PNKD: variants seen among roughly 807,000 people sequenced by gnomAD.
PNKD encodes probable thioesterase PNKD.
Under a neutral mutation model 45.3 loss-of-function variants are expected in PNKD, and 36 were observed. The observed-to-expected ratio is 0.80, with a 90% CI of 0.61 to 1.05. PNKD has a LOEUF of 1.05. Among genes scored for constraint, PNKD ranks in the 50% least tolerant of loss-of-function variants. The pLI is 0.00. For synonymous variants in PNKD, 197 were observed against 210.1 expected, an observed-to-expected ratio of 0.94 and a Z score of 0.54; for missense variants, 511 against 506.6, an observed-to-expected ratio of 1.01 and a Z score of -0.08.
chr2:218,286,531 C>T (rs1692526384), intron 2 of PNKD: 1 of 152,232 alleles, frequency 6.6e-6, no homozygotes. Flanking sequence ...AACCAGAGCC[C>T]CTGCTTTCTA....
chr2:218,342,717 T>G (rs759909071), intron 7 of PNKD, among the ~76,000 whole-genome samples: 9 of 151,076 alleles, frequency 6.0e-5, no homozygotes, highest in Non-Finnish European at 1.3e-4. Flanking sequence ...AAAAAAAAAT[T>G]TAAATAATAT....
intron 2 of PNKD, among the ~76,000 whole-genome samples, chr2:218,338,240 C>G (rs573133856): frequency 3.3e-5 from 5 of 151,630 alleles, no homozygotes; most frequent in Non-Finnish European, 7.4e-5. Context: ...GCAGGCGGAT[C>G]ACCTAAGGTC....
chr2:218,331,095 G>A (rs955030045), intron 2 of PNKD, among the ~76,000 whole-genome samples: 1 of 152,208 alleles, frequency 6.6e-6, no homozygotes, highest in African/African-American at 2.4e-5. Flanking sequence ...TCCTGGGAAG[G>A]TGGGACGGGG....
At position 218,323,322 on chromosome 2, in the gene PNKD, C is replaced by T. The variant is rs747444303; in HGVS notation, c.237-16461C>T. 9 of 1,569,146 alleles carry T rather than the reference C, an allele frequency of 5.7e-6. No individual in the cohort carries two copies. In the African/African-American group the frequency reaches 1.1e-4, roughly 19 times the overall value. ...GCAGTGGGTCGCCGGCTGCTGGCTC[C>T]TCCTCGTCCTTGTCCTCGTCCTACT... On this transcript the variant is annotated intron_variant, in intron 2 of 9. Coordinates refer to ENST00000273077, the MANE Select transcript of PNKD (RefSeq NM_015488.5).
chr2:218,327,308 C>T (rs893324935), intron 2 of PNKD, among the ~76,000 whole-genome samples: 1 of 152,150 alleles, frequency 6.6e-6, no homozygotes, highest in Non-Finnish European at 1.5e-5. Flanking sequence ...GGGGCCAATG[C>T]GTCCCACTGG....
At chr2:218,341,741 C>T in intron 6 of PNKD, 115 bp downstream of exon 6, 3 of 851,972 alleles carry the variant, frequency 3.5e-6, no homozygotes, top group Non-Finnish European at 5.9e-6. Context: ...AGTGCCCTTC[C>T]TGGCCCAATC....
At chr2:218,334,629 T>A in intron 2 of PNKD, 1 of 695,662 alleles carries the variant, frequency 1.4e-6, no homozygotes, top group South Asian at 1.5e-5. Context: ...ACTCTTGACC[T>A]GGGTGACAGA....
intron 2 of PNKD, chr2:218,290,147 G>C (rs1559511559): frequency 6.6e-6 from 1 of 152,192 alleles, no homozygotes; most frequent in Non-Finnish European, 1.5e-5. Context: ...CCCAGGAGAC[G>C]TTAATGAATG....
At chr2:218,306,522 G>C (rs762278882) in intron 2 of PNKD, among the ~76,000 whole-genome samples, 3 of 152,174 alleles carry the variant, frequency 2.0e-5, no homozygotes, top group Non-Finnish European at 2.9e-5. Flanking sequence ...TTAATCCTCC[G>C]AGTAGCTCCA....
chr2:218,271,525 C>T lies in PNKD; in HGVS notation c.212C>T (p.Pro71Leu). ...ATTCCCAGAAAGAGGGGCAAGAACCCCATGAAAGCTGTGGGACTGGCCTGG... is the reference window on the plus strand; with the variant it reads ...ATTCCCAGAAAGAGGGGCAAGAACCTCATGAAAGCTGTGGGACTGGCCTGG... ...EYIPRKRGKN[P>L]MKAVGLAWYS... Residue 71 changes from proline (P) to leucine (L), a missense_variant, in exon 2 of 10, where the codon CCC becomes CTC. Transcript: ENST00000273077. The T allele has an allele frequency of 6.2e-7, 1 of 1,614,204 alleles. No individual in the cohort carries two copies. The highest frequency in any genetic ancestry group is 1.7e-5 in the Admixed American group (1 of 60,016).
intron 2 of PNKD, among the ~76,000 whole-genome samples, chr2:218,294,806 C>T (rs1348028821): frequency 8.5e-5 from 13 of 152,202 alleles, no homozygotes; most frequent in Admixed American, 7.9e-4. Flanking sequence ...AGCATGAATT[C>T]CATTCCAGAG....
intron 2 of PNKD, chr2:218,272,752 T>C: frequency 6.2e-7 from 1 of 1,613,862 alleles, no homozygotes; most frequent in Non-Finnish European, 8.5e-7. Context: ...GGGTCTGGGG[T>C]GCAGACCTGA....
intron 2 of PNKD, among the ~76,000 whole-genome samples, chr2:218,318,508 C>T (rs1007508162): frequency 1.3e-5 from 2 of 152,242 alleles, no homozygotes; most frequent in Non-Finnish European, 1.5e-5. Context: ...GTACAGCTCT[C>T]CTGTGGGCAC....
At chr2:218,320,575 A>T (rs531399503) in intron 2 of PNKD, among the ~76,000 whole-genome samples, 41 of 152,106 alleles carry the variant, frequency 2.7e-4, no homozygotes, top group South Asian at 4.2e-4. Context: ...CTCTATTTTT[A>T]AAAAAAAGTA....
At position 218,326,663 on chromosome 2, in the gene PNKD, T is replaced by C. The variant is rs1412959521; in HGVS notation, c.237-13120T>C. Reference sequence around the variant, plus strand: ...TGTGGCCTGGAGTTGGGTGGGAGAGTATCTATGGCCCTGTGTCCTTCTGGA... The same window carrying C: ...TGTGGCCTGGAGTTGGGTGGGAGAGCATCTATGGCCCTGTGTCCTTCTGGA... On this transcript the variant is annotated intron_variant, in intron 2 of 9. Transcript: ENST00000273077. This position sits in a 1 kb window ranked among gnomAD's most constrained non-coding sequence, Gnocchi z 4.1. Among the ~76,000 whole-genome samples the C allele has an allele frequency of 6.6e-6, 1 of 151,394 alleles. No individual in the cohort carries two copies. Among genetic ancestry groups the C allele is most frequent in the African/African-American group, 2.4e-5 (1 of 41,108 alleles).
At chr2:218,299,769 G>A (rs554642305) in intron 2 of PNKD, among the ~76,000 whole-genome samples, 17 of 151,980 alleles carry the variant, frequency 1.1e-4, no homozygotes, top group East Asian at 3.9e-4. Flanking sequence ...TTACAGGCAC[G>A]TACCACCACG....
chr2:218,282,967 A>T (rs1028294992), intron 2 of PNKD, among the ~76,000 whole-genome samples: 8 of 152,168 alleles, frequency 5.3e-5, no homozygotes, highest in Non-Finnish European at 1.5e-5. Context: ...TAGGGAAGAG[A>T]GAGTGAGTGC....
intron 7 of PNKD, among the ~76,000 whole-genome samples, chr2:218,342,499 A>T (rs987485594): frequency 2.0e-5 from 3 of 152,284 alleles, no homozygotes; most frequent in Admixed American, 1.3e-4. Context: ...CAGGAGTTCA[A>T]GACCAGCCTG....
At chr2:218,298,530 A>G (rs1329518351) in intron 2 of PNKD, among the ~76,000 whole-genome samples, 1 of 152,224 alleles carries the variant, frequency 6.6e-6, no homozygotes, top group Non-Finnish European at 1.5e-5. Context: ...TAAGAATGAA[A>G]AATAGCAGTT....
Sources: gnomAD v4.1 joint callset for allele counts (sites outside exome capture counted in the v4.1 genomes callset) on GRCh38, gnomAD v4.1.1 for gene constraint, Gnocchi (gnomAD v3.1) non-coding constraint, MANE v1.5 for transcripts, NCBI Gene and HGNC (gene_info 2026-07-23, HGNC 2026-07-21) for gene names.